The following TCF7L1 variants were observed in gnomAD, a reference collection of about 807,000 sequenced individuals.
TCF7L1 encodes the protein transcription factor 7-like 1.
A neutral mutation model predicts 63.7 loss-of-function variants in TCF7L1; 18 were observed. That is an observed-to-expected ratio of 0.28 (90% CI 0.20 to 0.42). TCF7L1 has a LOEUF of 0.42. Ranked by LOEUF, TCF7L1 falls within the 10% of genes least tolerant of loss-of-function variation. The pLI is 1.00. For missense variants in TCF7L1, 654 were observed against 779.3 expected, an observed-to-expected ratio of 0.84 and a Z score of 1.91; for synonymous variants, 355 against 340.9, an observed-to-expected ratio of 1.04 and a Z score of -0.46.
At chr2:85,140,916 A>AG (rs35635609) in intron 3 of TCF7L1, among the ~76,000 whole-genome samples, 4 of 144,572 alleles carry the variant, frequency 2.8e-5, no homozygotes, top group Admixed American at 6.9e-5. Flanking sequence ...AGAGAGACAG[A>AG]AGAGAGAAAG....
chr2:85,248,569 T>C (rs1680521449), intron 3 of TCF7L1, among the ~76,000 whole-genome samples: 1 of 152,158 alleles, frequency 6.6e-6, no homozygotes, highest in Non-Finnish European at 1.5e-5. Flanking sequence ...AGAGGAGAAA[T>C]GGTGAACACC....
chr2:85,141,064 T>C (rs1677726107), intron 3 of TCF7L1, among the ~76,000 whole-genome samples: 1 of 152,024 alleles, frequency 6.6e-6, no homozygotes, highest in Non-Finnish European at 1.5e-5. Context: ...GGCAGAAGGA[T>C]ATTTTGAGGC....
At chr2:85,239,438 G>A (rs1239401110) in intron 3 of TCF7L1, among the ~76,000 whole-genome samples, 1 of 152,050 alleles carries the variant, frequency 6.6e-6, no homozygotes, top group Non-Finnish European at 1.5e-5. Flanking sequence ...ATCACAGTGT[G>A]GACTGTTTCT....
At chr2:85,232,996 A>C (rs1415276148) in intron 3 of TCF7L1, 1 of 152,202 alleles carries the variant, frequency 6.6e-6, no homozygotes, top group Non-Finnish European at 1.5e-5. Flanking sequence ...GTGCAGCGAA[A>C]TCACAGCTCA....
At chr2:85,304,062 T>G in intron 6 of TCF7L1, 65 bp downstream of exon 6, 1 of 1,349,442 alleles carries the variant, frequency 7.4e-7, no homozygotes. Context: ...CTCTGTGCCC[T>G]GCGCGCCCTG....
At chr2:85,284,678 A>G (rs1681501560) in intron 4 of TCF7L1, among the ~76,000 whole-genome samples, 1 of 152,166 alleles carries the variant, frequency 6.6e-6, no homozygotes, top group South Asian at 2.1e-4. Context: ...ATGCGGTTAG[A>G]AGGGACCCTC....
At chr2:85,146,054 C>T (rs559575870) in intron 3 of TCF7L1, among the ~76,000 whole-genome samples, 8 of 152,154 alleles carry the variant, frequency 5.3e-5, no homozygotes, top group African/African-American at 1.9e-4. Context: ...AAACCTAACA[C>T]CTGACTCATA....
intron 3 of TCF7L1, among the ~76,000 whole-genome samples, chr2:85,166,288 G>A (rs1163058321): frequency 1.3e-5 from 2 of 152,190 alleles, no homozygotes; most frequent in African/African-American, 2.4e-5. Flanking sequence ...AGTCTTGGGT[G>A]CCAGTGGCCT....
chr2:85,277,992 C>T (rs1681316773), intron 3 of TCF7L1, among the ~76,000 whole-genome samples: 1 of 152,214 alleles, frequency 6.6e-6, no homozygotes, highest in Non-Finnish European at 1.5e-5. Context: ...CATTGGCAGT[C>T]CTGCCTCTGT....
chr2:85,136,848 G>A (rs1677607420), intron 3 of TCF7L1, among the ~76,000 whole-genome samples: 1 of 152,130 alleles, frequency 6.6e-6, no homozygotes, highest in South Asian at 2.1e-4. Context: ...GGAGATGATG[G>A]TTTTCTGCTG....
At chr2:85,250,903 A>G (rs1424751982) in intron 3 of TCF7L1, among the ~76,000 whole-genome samples, 1 of 152,252 alleles carries the variant, frequency 6.6e-6, no homozygotes, top group Non-Finnish European at 1.5e-5. Context: ...TTTCAGAGCC[A>G]CTAAAGAAAG....
chr2:85,301,629 A>T (rs930789798), intron 4 of TCF7L1, among the ~76,000 whole-genome samples: 2 of 152,176 alleles, frequency 1.3e-5, no homozygotes, highest in African/African-American at 4.8e-5. Flanking sequence ...TGTTTTACAC[A>T]GAATGTGGTA....
rs1682225451 is a variant in TCF7L1, at chr2:85,309,524, A to T, written c.*62A>T. On this transcript the variant is annotated 3_prime_UTR_variant, in exon 12 of 12. Coordinates refer to ENST00000282111, the MANE Select transcript of TCF7L1 (RefSeq NM_031283.3). ...TTGAGTAGTAATGATTCAGAAGAAA[A>T]AGAAAAAGGAGACTTTATTGGTCAA... 1.3e-6 allele frequency: 2 copies of T among 1,490,244 alleles called. No individual in the cohort carries two copies. Among genetic ancestry groups the T allele is most frequent in the Admixed American group, 4.6e-5 (2 of 43,242 alleles). The allele number at this position is 1,490,244 out of a possible 1,614,324, so 92.3% of individuals were successfully genotyped here. A position where few individuals can be genotyped will look rare whatever the true frequency, so the allele number is the denominator to read the frequency against.
At chr2:85,189,815 G>A (rs1005532156) in intron 3 of TCF7L1, among the ~76,000 whole-genome samples, 5 of 152,174 alleles carry the variant, frequency 3.3e-5, no homozygotes, top group Admixed American at 2.0e-4. Context: ...TGAGAGGGGC[G>A]CTGCGAGCCT....
intron 3 of TCF7L1, among the ~76,000 whole-genome samples, chr2:85,276,506 T>C (rs1254899637): frequency 6.6e-6 from 1 of 152,210 alleles, no homozygotes; most frequent in Admixed American, 6.5e-5. Flanking sequence ...ATAACCGTAT[T>C]ATAAATGAAA....
At chr2:85,172,758 A>G (rs1342480709) in intron 3 of TCF7L1, among the ~76,000 whole-genome samples, 1 of 151,950 alleles carries the variant, frequency 6.6e-6, no homozygotes, top group Non-Finnish European at 1.5e-5. Flanking sequence ...TCACAACTGC[A>G]GGCTTGCTCC....
At chr2:85,280,798 C>G (rs1482514443) in intron 3 of TCF7L1, among the ~76,000 whole-genome samples, 1 of 152,144 alleles carries the variant, frequency 6.6e-6, no homozygotes, top group South Asian at 2.1e-4. Flanking sequence ...CATTCTGTTT[C>G]TGGGTGGCCA....
rs1246820399 is a variant in TCF7L1, at chr2:85,211,516, T to C, written c.442-71979T>C. On this transcript the variant is annotated intron_variant, in intron 3 of 11. Transcript: ENST00000282111. ...CTCCATGAAGGTAAGTCTATCCCTG[T>C]GCCTTCCAGGAGGGGCAACAGCTAT... 2.6e-5 allele frequency among the ~76,000 whole-genome samples: 4 copies of C among 152,228 alleles called. No individual in the cohort carries two copies. The East Asian group carries it at 7.7e-4, about 29-fold the overall frequency.
intron 3 of TCF7L1, among the ~76,000 whole-genome samples, chr2:85,228,884 G>A (rs1190382687): frequency 6.6e-6 from 1 of 151,544 alleles, no homozygotes; most frequent in Admixed American, 6.6e-5. Context: ...AGCCGGGGAG[G>A]GTGGTGGGCG....
Sources: allele counts gnomAD v4.1 joint callset (sites outside exome capture counted in the v4.1 genomes callset), GRCh38; gene constraint gnomAD v4.1.1; transcripts MANE v1.5; gene names NCBI Gene and HGNC (gene_info 2026-07-23, HGNC 2026-07-21).